Variants in RANBP2 observed in about 807,000 individuals in gnomAD.
The protein encoded by RANBP2 is RAN binding protein 2.
RANBP2 carries 57 observed loss-of-function variants against 303.6 expected under a neutral mutation model. The observed-to-expected ratio is 0.19, with a 90% confidence interval of 0.15 to 0.23. RANBP2 has a LOEUF of 0.23. Among genes scored for constraint, RANBP2 ranks in the 10% least tolerant of loss-of-function variants. RANBP2 has a pLI of 1.00. For missense variants in RANBP2, 3,138 were observed against 3,780.8 expected (o/e 0.83, Z 4.46); for synonymous variants, 1,167 against 1,301.5 (o/e 0.90, Z 2.23).
the RANBP2 span, among the ~76,000 whole-genome samples, chr2:109,675,410 G>A: frequency 2.6e-5 from 4 of 152,198 alleles, no homozygotes; most frequent in East Asian, 1.9e-4. Flanking sequence ...GGCCAGGTGC[G>A]GTGGCTCATG....
the RANBP2 span, among the ~76,000 whole-genome samples, chr2:109,701,858 C>T: frequency 6.6e-6 from 1 of 152,140 alleles, no homozygotes; most frequent in Non-Finnish European, 1.5e-5. Context: ...GTAAAAGTTT[C>T]TCCTTTAGGA....
the RANBP2 span, among the ~76,000 whole-genome samples, chr2:109,117,739 G>C: frequency 1.3e-5 from 2 of 152,196 alleles, no homozygotes; most frequent in African/African-American, 4.8e-5. Flanking sequence ...CTCACGTTGG[G>C]AGCTGTAGAC....
At chr2:109,690,923 G>A in the RANBP2 span, among the ~76,000 whole-genome samples, 1 of 152,104 alleles carries the variant, frequency 6.6e-6, no homozygotes, top group African/African-American at 2.4e-5. Flanking sequence ...TCTCAGCCTA[G>A]TCCTGGCTTT....
chr2:108,995,270 C>T, the RANBP2 span, among the ~76,000 whole-genome samples: 1 of 152,286 alleles, frequency 6.6e-6, no homozygotes, highest in East Asian at 1.9e-4. Flanking sequence ...AAGTGATCCT[C>T]CCACCTTGGC....
the RANBP2 span, chr2:108,906,281 C>G: frequency 6.2e-7 from 1 of 1,604,032 alleles, no homozygotes; most frequent in Non-Finnish European, 8.5e-7. Context: ...TGGGCACCAC[C>G]TCTCCCAGGC....
the RANBP2 span, among the ~76,000 whole-genome samples, chr2:109,472,984 C>G: frequency 6.6e-6 from 1 of 152,212 alleles, no homozygotes; most frequent in Admixed American, 6.5e-5. Flanking sequence ...CTACCCGACT[C>G]GTGGGGCCTT....
At chr2:109,656,855 GA>G in the RANBP2 span, among the ~76,000 whole-genome samples, 1 of 152,214 alleles carries the variant, frequency 6.6e-6, no homozygotes, top group South Asian at 2.1e-4. Flanking sequence ...GAGAGTAGAT[GA>G]AGCACAGTGT....
At chr2:109,615,089 G>A in the RANBP2 span, 1 of 1,549,594 alleles carries the variant, frequency 6.5e-7, no homozygotes, top group Non-Finnish European at 8.7e-7. Flanking sequence ...CACAGAGGCC[G>A]GCCCGCCAGA....
the RANBP2 span, chr2:109,593,000 C>T: frequency 8.7e-6 from 11 of 1,269,760 alleles, no homozygotes; most frequent in Non-Finnish European, 1.1e-5. Flanking sequence ...ATTTTAAAAT[C>T]ATAGAAGCAT....
chr2:108,938,402 C>T, the RANBP2 span, among the ~76,000 whole-genome samples: 8 of 152,314 alleles, frequency 5.3e-5, no homozygotes, highest in Admixed American at 3.3e-4. Context: ...AGAACTGGGG[C>T]TGGCGTCCCA....
chr2:109,420,568 C>G, the RANBP2 span, among the ~76,000 whole-genome samples: 6 of 152,154 alleles, frequency 3.9e-5, no homozygotes, highest in African/African-American at 1.4e-4. Flanking sequence ...GCCTCAGCCT[C>G]CCAAGTAGCT....
At chr2:108,936,338 C>T in the RANBP2 span, among the ~76,000 whole-genome samples, 3 of 152,258 alleles carry the variant, frequency 2.0e-5, no homozygotes, top group African/African-American at 7.2e-5. Flanking sequence ...GGGCTTGCCA[C>T]GCCTGGGTTG....
chr2:109,440,927 T>C, the RANBP2 span, among the ~76,000 whole-genome samples: 1 of 152,094 alleles, frequency 6.6e-6, no homozygotes, highest in Admixed American at 6.5e-5. Context: ...CTGGAAATAG[T>C]GCCTGTTCCC....
At chr2:108,983,724 C>T in the RANBP2 span, among the ~76,000 whole-genome samples, 9 of 152,316 alleles carry the variant, frequency 5.9e-5, no homozygotes, top group Middle Eastern at 6.8e-3. Context: ...CCGTGCGGGA[C>T]GGGGCAGGGA....
the RANBP2 span, among the ~76,000 whole-genome samples, chr2:109,524,469 A>AAAAAAAAAAAAAAAAC: frequency 8.0e-4 from 65 of 80,870 alleles, 2 homozygotes; most frequent in East Asian, 0.013. Context: ...AAAAAAAACA[A>AAAAAAAAAAAAAAAAC]AACAACACTG....
the RANBP2 span, among the ~76,000 whole-genome samples, chr2:109,201,509 C>T: frequency 6.6e-6 from 1 of 152,184 alleles, no homozygotes; most frequent in African/African-American, 2.4e-5. Context: ...CCCAGGCCAC[C>T]CTTGCTGTCT....
the RANBP2 span, chr2:109,667,061 GT>G: frequency 1.6e-6 from 1 of 631,598 alleles, no homozygotes; most frequent in Non-Finnish European, 2.7e-6. Flanking sequence ...CAGTGAGAAG[GT>G]TTTGTGGGTT....
the RANBP2 span, among the ~76,000 whole-genome samples, chr2:109,685,356 C>G: frequency 4.2e-4 from 64 of 152,336 alleles, no homozygotes; most frequent in African/African-American, 1.4e-3. Flanking sequence ...ATCCCTGAAT[C>G]TAAGGGTACG....
chr2:108,756,044 T>A (rs1676292653), intron 17 of RANBP2, among the ~76,000 whole-genome samples: 1 of 152,166 alleles, frequency 6.6e-6, no homozygotes, highest in Non-Finnish European at 1.5e-5. Flanking sequence ...TTTTTGAAAG[T>A]ACTTTATGTG....
Sources: gnomAD v4.1 joint callset for allele counts (sites outside exome capture counted in the v4.1 genomes callset) on GRCh38, gnomAD v4.1.1 for gene constraint, MANE v1.5 for transcripts, NCBI Gene and HGNC (gene_info 2026-07-23, HGNC 2026-07-21) for gene names.